Variants in SH3GL3 observed in about 807,000 individuals in gnomAD.
The protein encoded by SH3GL3 is SH3 domain containing GRB2 like 3, endophilin A3.
In SH3GL3, 33 loss-of-function variants were observed where a neutral mutation model predicts 47.7. The ratio of observed to expected loss-of-function variants is 0.69; its 90% CI spans 0.52 to 0.92. The LOEUF (loss-of-function observed/expected upper bound fraction) is 0.92, where lower values mean the gene tolerates loss of function less well. Ranked by LOEUF, SH3GL3 falls within the 40% of genes least tolerant of loss-of-function variation. The pLI is 0.00. For synonymous variants in SH3GL3, 155 were observed against 148.8 expected (o/e 1.04, Z -0.30); for missense variants, 363 against 417.8 (o/e 0.87, Z 1.14).
At chr15:83,517,202 TTTC>T (rs2043017781) in intron 1 of SH3GL3, among the ~76,000 whole-genome samples, 1 of 116,906 alleles carries the variant, frequency 8.6e-6, no homozygotes, top group African/African-American at 3.0e-5. Context: ...TTTCTTTTCT[TTTC>T]TTTTTTTTTT....
intron 1 of SH3GL3, among the ~76,000 whole-genome samples, chr15:83,510,745 A>T (rs146448833): frequency 8.9e-4 from 136 of 152,218 alleles, no homozygotes; most frequent in African/African-American, 3.1e-3. Flanking sequence ...TGAAGCAGCT[A>T]TGTGGATCCT....
chr15:83,581,902 C>A (rs1404955812), intron 6 of SH3GL3, among the ~76,000 whole-genome samples: 1 of 152,180 alleles, frequency 6.6e-6, no homozygotes, highest in African/African-American at 2.4e-5. Context: ...TGTCGTTATT[C>A]TATAGGCAGT....
At chr15:83,586,373 CAG>C (rs1279849466) in intron 6 of SH3GL3, among the ~76,000 whole-genome samples, 1 of 152,086 alleles carries the variant, frequency 6.6e-6, no homozygotes, top group Non-Finnish European at 1.5e-5. Context: ...TTGTGGGAAA[CAG>C]AGATGCCAGT....
chr15:83,470,823 T>C (rs1245289400), intron 1 of SH3GL3, among the ~76,000 whole-genome samples: 1 of 152,214 alleles, frequency 6.6e-6, no homozygotes, highest in African/African-American at 2.4e-5. Flanking sequence ...GCTGTTCACA[T>C]GTGTGTGTAT....
Position 83,489,835 on chromosome 15 carries a change from GCCGATAGA to G in SH3GL3, c.45+42258_45+42265del, listed in dbSNP as rs1190414408. On this transcript the variant is annotated intron_variant, in intron 1 of 8. Coordinates refer to ENST00000427482, the MANE Select transcript of SH3GL3 (RefSeq NM_003027.5). ...TGCAGTTTAGTAGGAATTGTCAGAA[GCCGATAGA>G]TAGATAGATAGATAGATAGATAGAT... 8.6e-4 allele frequency among the ~76,000 whole-genome samples: 118 copies of G among 137,562 alleles called. 1 individual carries two copies. The highest frequency in any genetic ancestry group is 3.1e-3 in the African/African-American group (111 of 36,320). The allele number at this position is 137,562 out of a possible 152,430, so 90.2% of individuals were successfully genotyped here.
rs183415295 is a variant in SH3GL3, at chr15:83,526,930, C to T, written c.46-32323C>T. 7.2e-5 allele frequency among the ~76,000 whole-genome samples: 11 copies of T among 152,278 alleles called. No homozygotes were observed. The East Asian group carries it at 2.1e-3, about 29-fold the overall frequency. Reference sequence around the variant, plus strand: ...TGTAATTTTCCTTGTAGAGATCTTTCACCTCCTTGGTTAAATGTATTCCTA... The same window carrying T: ...TGTAATTTTCCTTGTAGAGATCTTTTACCTCCTTGGTTAAATGTATTCCTA... On this transcript the variant is annotated intron_variant, in intron 1 of 8. Coordinates refer to ENST00000427482, the MANE Select transcript of SH3GL3 (RefSeq NM_003027.5).
At chr15:83,513,027 C>T (rs1468690444) in intron 1 of SH3GL3, among the ~76,000 whole-genome samples, 1 of 152,156 alleles carries the variant, frequency 6.6e-6, no homozygotes, top group Non-Finnish European at 1.5e-5. Flanking sequence ...CAGGTTTCAA[C>T]GACTGCATAA....
intron 1 of SH3GL3, among the ~76,000 whole-genome samples, chr15:83,552,459 T>C (rs2044711799): frequency 6.6e-6 from 1 of 152,230 alleles, no homozygotes; most frequent in Non-Finnish European, 1.5e-5. Flanking sequence ...TTATTGTTGG[T>C]TCCTAACTTA....
chr15:83,481,232 G>C (rs1844860), intron 1 of SH3GL3, among the ~76,000 whole-genome samples: 45,217 of 147,618 alleles, frequency 0.31, 7,156 homozygotes, highest in Admixed American at 0.42. Context: ...CCGAGATCCT[G>C]CCACTGCACT....
chr15:83,497,336 G>A lies in SH3GL3; in HGVS notation c.45+49758G>A, dbSNP rs146261853. Among the ~76,000 whole-genome samples, 878 of 152,028 alleles carry A rather than the reference G, an allele frequency of 5.8e-3. 2 individuals are homozygous for A. Among genetic ancestry groups the A allele is most frequent in the Middle Eastern group, 0.017 (5 of 294 alleles). On this transcript the variant is annotated intron_variant, in intron 1 of 8. Coordinates refer to ENST00000427482, the MANE Select transcript of SH3GL3 (RefSeq NM_003027.5). ...CCGGGACATCTAGAGCCTATTGTTCGAGGAATGCAGTCTTGCAAGCCTACT... is the reference window on the plus strand; with the variant it reads ...CCGGGACATCTAGAGCCTATTGTTCAAGGAATGCAGTCTTGCAAGCCTACT...
intron 1 of SH3GL3, among the ~76,000 whole-genome samples, chr15:83,491,848 G>A (rs986402875): frequency 6.6e-6 from 1 of 152,128 alleles, no homozygotes; most frequent in Admixed American, 6.5e-5. Context: ...ATGAGAGGGG[G>A]CTTAAGCTTC....
At chr15:83,550,781 G>T (rs1323199060) in intron 1 of SH3GL3, among the ~76,000 whole-genome samples, 1 of 152,126 alleles carries the variant, frequency 6.6e-6, no homozygotes, top group African/African-American at 2.4e-5. Context: ...ATATAGTCAA[G>T]AGCTGTTTTT....
Position 83,527,741 on chromosome 15 carries a change from C to A in SH3GL3, c.46-31512C>A, listed in dbSNP as rs77112838. Among the ~76,000 whole-genome samples, 317 of 152,216 alleles carry A rather than the reference C, an allele frequency of 2.1e-3. 2 individuals carry two copies. The highest frequency in any genetic ancestry group is 7.1e-3 in the African/African-American group (293 of 41,544). On this transcript the variant is annotated intron_variant, in intron 1 of 8. Transcript: ENST00000427482. The stretch of plus-strand genomic sequence containing the variant: ...TTATTGATATGCGAGGACTTATTGT[C>A]ATAATTTTGTTAATTGTCATTTGGT...
At chr15:83,478,012 G>C (rs2041176409) in intron 1 of SH3GL3, among the ~76,000 whole-genome samples, 1 of 152,068 alleles carries the variant, frequency 6.6e-6, no homozygotes, top group Non-Finnish European at 1.5e-5. Flanking sequence ...GGCCTCTTTG[G>C]GGACACTTTC....
At chr15:83,485,128 A>G (rs1037353455) in intron 1 of SH3GL3, among the ~76,000 whole-genome samples, 2 of 152,162 alleles carry the variant, frequency 1.3e-5, no homozygotes, top group African/African-American at 4.8e-5. Context: ...GAACATGTCT[A>G]TCAGTGAATC....
chr15:83,550,054 G>A (rs1295025215), intron 1 of SH3GL3, among the ~76,000 whole-genome samples: 1 of 152,130 alleles, frequency 6.6e-6, no homozygotes, highest in Non-Finnish European at 1.5e-5. Flanking sequence ...AAAGGAAGTT[G>A]CAAAACTAGT....
At chr15:83,528,953 T>G (rs2043543605) in intron 1 of SH3GL3, among the ~76,000 whole-genome samples, 1 of 152,338 alleles carries the variant, frequency 6.6e-6, no homozygotes, top group African/African-American at 2.4e-5. Context: ...TGGATTGGCT[T>G]TAGAGGGGGA....
At chr15:83,471,085 T>C (rs59550505) in intron 1 of SH3GL3, among the ~76,000 whole-genome samples, 25,150 of 152,238 alleles carry the variant, frequency 0.17, 2,742 homozygotes, top group South Asian at 0.45. Flanking sequence ...GCTTATCATG[T>C]ACTTTTTTCT....
rs1490336154 is a variant in SH3GL3 at position 83,576,894 on chromosome 15, G to C, written c.624+153G>C. On this transcript the variant is annotated intron_variant, in intron 6 of 8. Transcript: ENST00000427482. ...ATAAAATACACTAATACTAATAATA[G>C]CTGATGAGCTTAAAAAAAAAATCAT... The C allele has an allele frequency of 2.3e-5, 5 of 213,550 alleles. No individual in the cohort carries two copies. The East Asian group carries it at 2.5e-4, about 11-fold the overall frequency. 13.2% of individuals were successfully genotyped at this position (213,550 alleles called of 1,614,324 possible). A position where few individuals can be genotyped will look rare whatever the true frequency, so the allele number is the denominator to read the frequency against.
Sources: gnomAD v4.1 joint callset for allele counts (sites outside exome capture counted in the v4.1 genomes callset) on GRCh38, gnomAD v4.1.1 for gene constraint, MANE v1.5 for transcripts, NCBI Gene and HGNC (gene_info 2026-07-23, HGNC 2026-07-21) for gene names.